The following ALPI variants were observed in gnomAD, a reference collection of about 807,000 sequenced individuals.
ALPI encodes the protein intestinal-type alkaline phosphatase.
ALPI carries 50 observed loss-of-function variants against 51.5 expected under a neutral mutation model. The observed-to-expected ratio is 0.97, with a 90% CI of 0.77 to 1.23. The LOEUF (loss-of-function observed/expected upper bound fraction) is 1.23. Ranked by LOEUF, ALPI falls within the 50% of genes most tolerant of loss-of-function variation. The probability of loss-of-function intolerance (pLI) is 0.00; values close to 1 mark genes in which losing one functional copy is unlikely to be tolerated. For missense variants in ALPI, 692 were observed against 722.4 expected (o/e 0.96, Z 0.48); for synonymous variants, 322 against 308.2 (o/e 1.04, Z -0.47).
Position 232,456,952 on chromosome 2 carries a change from C to T in ALPI, c.354C>T (p.Tyr118=). The T allele has an allele frequency of 1.9e-6, 3 of 1,613,770 alleles. No homozygotes were observed. Among genetic ancestry groups the T allele is most frequent in the Non-Finnish European group, 1.7e-6 (2 of 1,180,024 alleles). ...ACAGCGCAGCCACAGCCACGGCCTA[C>T]CTGTGCGGGGTCAAGGCCAACTTCC... ...VPDSAATATA[Y]LCGVKANFQT... is the part of the protein sequence containing the mutation. Residue 118 remains tyrosine (Y), a synonymous_variant, in exon 4 of 11, where the codon TAC becomes TAT. Coordinates refer to ENST00000295463, the MANE Select transcript of ALPI (RefSeq NM_001631.5). The surrounding 1 kb of genome is among the most constrained non-coding windows in gnomAD (Gnocchi z 4.2).
In ALPI at chr2:232,458,095, G is replaced by A. The variant is rs777475192; in HGVS notation, c.954G>A (p.Leu318=). 27 of 1,613,952 alleles carry A rather than the reference G, an allele frequency of 1.7e-5. No homozygotes were observed. Among genetic ancestry groups the A allele is most frequent in the Admixed American group, 1.7e-5 (1 of 59,994 alleles). ...TGACAGAGGCTGCCCTGCGCCTGCT[G>A]AGCAGGAACCCCCGCGGCTTCTACC... ...MEMTEAALRL[L]SRNPRGFYLF... is the part of the protein sequence containing the mutation. The change falls in exon 8 of 11, where the codon CTG becomes CTA. Residue 318 remains leucine, a synonymous_variant. Coordinates refer to ENST00000295463, the MANE Select transcript of ALPI (RefSeq NM_001631.5).
In ALPI at chr2:232,458,867, C is replaced by T. The variant is rs1020632792; in HGVS notation, c.1308C>T (p.Pro436=). 6.2e-7 allele frequency: 1 copy of T among 1,610,120 alleles called. No homozygotes were observed. The highest frequency in any genetic ancestry group is 8.5e-7 in the Non-Finnish European group (1 of 1,178,770). ...PDVNESESGS[P]DYQQQAAVPL... is the part of the protein sequence containing the mutation. ...CACTCACCCTCCTACCAGGGAGCCCCGATTACCAGCAGCAGGCGGCGGTGC... is the reference window on the plus strand; with the variant it reads ...CACTCACCCTCCTACCAGGGAGCCCTGATTACCAGCAGCAGGCGGCGGTGC... Residue 436 remains proline (P), a synonymous_variant, in exon 11 of 11, where the codon CCC becomes CCT. Transcript: ENST00000295463.
At position 232,456,224 on chromosome 2, in the gene ALPI, C is replaced by T. The variant is rs1690180327; in HGVS notation, c.25C>T (p.Leu9=). The T allele has an allele frequency of 5.0e-6, 8 of 1,613,852 alleles. No individual in the cohort carries two copies. In the Admixed American group the frequency reaches 5.0e-5, roughly 10 times the overall value. MQGPWVLL[L]LGLRLQLSLG... ...CATGCAGGGGCCCTGGGTGCTGCTG[C>T]TGCTGGGCCTGAGGCTACAGCTCTC... Residue 9 remains leucine, a synonymous_variant, in exon 1 of 11, where the codon CTG becomes TTG. Transcript: ENST00000295463. This position sits in a 1 kb window ranked among gnomAD's most constrained non-coding sequence, Gnocchi z 4.2.
Position 232,457,422 on chromosome 2 carries a change from G to C in ALPI, c.648+100G>C. The C allele has an allele frequency of 6.5e-7, 1 of 1,549,956 alleles. No homozygotes were observed. The highest frequency in any genetic ancestry group is 8.7e-7 in the Non-Finnish European group (1 of 1,149,324). On this transcript the variant is annotated intron_variant, in intron 5 of 10. Transcript: ENST00000295463. The surrounding 1 kb of genome is among the most constrained non-coding windows in gnomAD (Gnocchi z 4.7). ...GCCTGATCTGGGTCAGCAGGTTCTG[G>C]AGGTGGAGTTGGGGATGTAGAATGT...
chr2:232,457,089 C>T lies in ALPI; in HGVS notation c.475+16C>T, dbSNP rs1242942186. On this transcript the variant is annotated intron_variant, in intron 4 of 10. Transcript: ENST00000295463. The surrounding 1 kb of genome is among the most constrained non-coding windows in gnomAD (Gnocchi z 4.7). ...AAGCAAGCAGGTGAGCTGGGGCCCG[C>T]TGTGGGGTCAGGACCAGGCCCAAGA... 5 of 1,613,274 alleles carry T rather than the reference C, an allele frequency of 3.1e-6. No homozygotes were observed. In the Admixed American group the frequency reaches 5.0e-5, roughly 16 times the overall value.
In ALPI at chr2:232,457,122, C is replaced by T. The variant is rs372159922; in HGVS notation, c.476-28C>T. On this transcript the variant is annotated intron_variant, in intron 4 of 10. Coordinates refer to ENST00000295463, the MANE Select transcript of ALPI (RefSeq NM_001631.5). The surrounding 1 kb of genome is among the most constrained non-coding windows in gnomAD (Gnocchi z 4.7). ...TCAGGACCAGGCCCAAGATCTCGGT[C>T]ACCGATCCTGACCTCTGTCACCCTC... The T allele has an allele frequency of 2.8e-4, 457 of 1,613,402 alleles. No individual in the cohort carries two copies. The highest frequency in any genetic ancestry group is 3.6e-4 in the Non-Finnish European group (429 of 1,179,976).
intron 10 of ALPI, 27 bp downstream of exon 10, chr2:232,458,775 G>A: frequency 1.2e-6 from 2 of 1,612,978 alleles, no homozygotes; most frequent in Non-Finnish European, 1.7e-6. Flanking sequence ...GGCCCGTGCA[G>A]GGGGACCAGG....
At position 232,456,187 on chromosome 2, in the gene ALPI, C is replaced by G. The variant is rs974919088; in HGVS notation, c.-13C>G. ...GTGTCCCCACTTCGCCTCCCTCCTG[C>G]TGCCCCCAAGACATGCAGGGGCCCT... is the stretch of plus-strand genomic sequence containing the variant. On this transcript the variant is annotated 5_prime_UTR_variant, in exon 1 of 11. Transcript: ENST00000295463. The surrounding 1 kb of genome is among the most constrained non-coding windows in gnomAD (Gnocchi z 4.2). The G allele has an allele frequency of 6.8e-6, 11 of 1,612,738 alleles. No homozygotes were observed. In the African/African-American group the frequency reaches 1.5e-4, roughly 22 times the overall value.
In ALPI at chr2:232,459,243, C is replaced by G; in HGVS notation, c.*97C>G. The stretch of plus-strand genomic sequence containing the variant: ...CTTCCAGCGAACACACACAGGTGTC[C>G]TGCCGTTGGACCTTCACCTCCTAGA... On this transcript the variant is annotated 3_prime_UTR_variant, in exon 11 of 11. Transcript: ENST00000295463. 1 of 1,434,256 alleles carries G rather than the reference C, an allele frequency of 7.0e-7. No individual in the cohort carries two copies. The highest frequency in any genetic ancestry group is 9.2e-7 in the Non-Finnish European group (1 of 1,086,520). 88.8% of individuals were successfully genotyped at this position (1,434,256 alleles called of 1,614,324 possible).
chr2:232,458,595 G>A, intron 9 of ALPI, 37 bp from the exon 10 acceptor site: 1 of 1,598,654 alleles, frequency 6.3e-7, no homozygotes, highest in Non-Finnish European at 8.6e-7. Flanking sequence ...CCACAGCTGT[G>A]GTCAGCTCAA....
Position 232,458,738 on chromosome 2 carries a change from G to C in ALPI, c.1290G>C (p.Glu430Asp). 5 of 1,613,892 alleles carry C rather than the reference G, an allele frequency of 3.1e-6. No individual in the cohort carries two copies. Among genetic ancestry groups the C allele is most frequent in the Non-Finnish European group, 4.2e-6 (5 of 1,180,022 alleles). Reference protein sequence around the residue: ...FNSGVRPDVNESESGSPDYQQ... With the variant: ...FNSGVRPDVNDSESGSPDYQQ... Reference sequence around the variant, plus strand: ...CAGGCGTGCGACCAGACGTGAATGAGAGCGAGAGCGGTGAGTGAGGCTGAA... The same window carrying C: ...CAGGCGTGCGACCAGACGTGAATGACAGCGAGAGCGGTGAGTGAGGCTGAA... The change falls in exon 10 of 11, where the codon GAG becomes GAC. Residue 430 changes from glutamate to aspartate, a missense_variant. By Grantham distance (45) the Glu-to-Asp change is conservative. Transcript: ENST00000295463.
chr2:232,458,178 G>T, intron 8 of ALPI, 39 bp from the exon 9 acceptor site: 1 of 1,613,722 alleles, frequency 6.2e-7, no homozygotes, highest in Non-Finnish European at 8.5e-7. Flanking sequence ...GGCGCGGCAG[G>T]GCAGGTTCAA....
In ALPI at chr2:232,459,117, C is replaced by G; in HGVS notation, c.1558C>G (p.Leu520Val). 1 of 1,536,346 alleles carries G rather than the reference C, an allele frequency of 6.5e-7. No homozygotes were observed. Among genetic ancestry groups the G allele is most frequent in the Non-Finnish European group, 8.7e-7 (1 of 1,145,572 alleles). ...ASLPLLAGTL[L>V]LLGASAAP ...GCTGCCACTGCTGGCCGGGACCCTG[C>G]TGCTGCTGGGGGCGTCCGCTGCTCC... The change falls in exon 11 of 11, where the codon CTG becomes GTG. Residue 520 changes from leucine to valine, a missense_variant. Physicochemically the swap from Leu to Val is conservative, Grantham distance 32. Coordinates refer to ENST00000295463, the MANE Select transcript of ALPI (RefSeq NM_001631.5).
chr2:232,458,730 G>T lies in ALPI; in HGVS notation c.1282G>T (p.Val428Leu), dbSNP rs1177818722. 6.2e-7 allele frequency: 1 copy of T among 1,613,930 alleles called. No individual in the cohort carries two copies. ...GTTCAACTCAGGCGTGCGACCAGACGTGAATGAGAGCGAGAGCGGTGAGTG... is the reference window on the plus strand; with the variant it reads ...GTTCAACTCAGGCGTGCGACCAGACTTGAATGAGAGCGAGAGCGGTGAGTG... ...YVFNSGVRPD[V>L]NESESGSPDY... Residue 428 changes from valine to leucine, a missense_variant, in exon 10 of 11, where the codon GTG (valine) becomes TTG (leucine). By Grantham distance (32) the Val-to-Leu change is conservative. Coordinates refer to ENST00000295463, the MANE Select transcript of ALPI (RefSeq NM_001631.5).
chr2:232,458,194 AC>A (rs748770821), intron 8 of ALPI, 22 bp from the exon 9 acceptor site: 1 of 1,613,432 alleles, frequency 6.2e-7, no homozygotes, highest in Non-Finnish European at 8.5e-7. Context: ...TTCAAGCATC[AC>A]CCCCCTCTGG....
rs41265121 is a variant in ALPI, at chr2:232,458,248, T to C, written c.1023T>C (p.Gly341=). The part of the protein sequence containing the change: ...GGRIDHGHHE[G]VAYQALTEAV... ...GCATCGACCATGGTCATCATGAGGG[T>C]GTGGCTTACCAGGCACTCACTGAGG... The change falls in exon 9 of 11, where the codon GGT becomes GGC. Residue 341 remains glycine, a synonymous_variant. Transcript: ENST00000295463. The C allele has an allele frequency of 0.09, 146,017 of 1,614,016 alleles. 6,893 individuals carry two copies. The highest frequency in any genetic ancestry group is 0.13 in the Middle Eastern group (806 of 6,060).
In ALPI at chr2:232,460,731, A is replaced by G. The variant is rs1690294276; in HGVS notation, c.*1585A>G. ...TCTTATTTACTAAAACCTTGAAATA[A>G]AATTGTAAAACATCAGTTTGAAGGC... is the stretch of plus-strand genomic sequence containing the variant. On this transcript the variant is annotated 3_prime_UTR_variant, in exon 11 of 11. Coordinates refer to ENST00000295463, the MANE Select transcript of ALPI (RefSeq NM_001631.5). Among the ~76,000 whole-genome samples, 1 of 152,240 alleles carries G rather than the reference A, an allele frequency of 6.6e-6. No individual in the cohort carries two copies. Among genetic ancestry groups the G allele is most frequent in the African/African-American group, 2.4e-5 (1 of 41,458 alleles).
Position 232,456,920 on chromosome 2 carries a change from G to A in ALPI, c.322G>A (p.Val108Met). 1.2e-5 allele frequency: 20 copies of A among 1,613,562 alleles called. No homozygotes were observed. The highest frequency in any genetic ancestry group is 1.6e-5 in the Non-Finnish European group (19 of 1,180,030). Residue 108 changes from valine (V) to methionine (M), a missense_variant, in exon 4 of 11, where the codon GTG becomes ATG. Transcript: ENST00000295463. The surrounding 1 kb of genome is among the most constrained non-coding windows in gnomAD (Gnocchi z 4.2). The part of the protein sequence containing the change: ...LSKTYNVDRQ[V>M]PDSAATATAY... ...GCAGACATACAATGTGGACAGACAG[G>A]TGCCAGACAGCGCAGCCACAGCCAC... is the stretch of plus-strand genomic sequence containing the variant.
chr2:232,458,137 G>A lies in ALPI; in HGVS notation c.991+5G>A, dbSNP rs773427715. ...GCTTCTACCTCTTTGTGGAGGGTGCGTGGTGGCCCCTGGGGAGTGGAGGAA... is the reference window on the plus strand; with the variant it reads ...GCTTCTACCTCTTTGTGGAGGGTGCATGGTGGCCCCTGGGGAGTGGAGGAA... On this transcript the variant is annotated splice_donor_5th_base_variant and intron_variant, in intron 8 of 10. Transcript: ENST00000295463. The A allele has an allele frequency of 1.6e-5, 26 of 1,613,900 alleles. No homozygotes were observed. The highest frequency in any genetic ancestry group is 7.7e-5 in the South Asian group (7 of 91,062).
Sources: allele counts gnomAD v4.1 joint callset (sites outside exome capture counted in the v4.1 genomes callset), GRCh38; gene constraint gnomAD v4.1.1; non-coding constraint Gnocchi (gnomAD v3.1); transcripts MANE v1.5; gene names NCBI Gene and HGNC (gene_info 2026-07-23, HGNC 2026-07-21).